Variants in SLC68A1 observed in about 807,000 individuals in gnomAD.
SLC68A1 encodes the protein solute carrier family 68 member 1, also known as major facilitator superfamily domain containing 13A.
At chr10:102,476,692 C>G in the SLC68A1 span, 2 of 986,274 alleles carry the variant, frequency 2.0e-6, no homozygotes, top group Non-Finnish European at 2.4e-6. Context: ...TCTTGTAAGG[C>G]AGGAGGACAG....
At chr10:102,470,743 G>T in the SLC68A1 span, 6 of 1,613,770 alleles carry the variant, frequency 3.7e-6, no homozygotes, top group African/African-American at 6.7e-5. Context: ...CGCTGCTGGC[G>T]CTGTCGTTCC....
the SLC68A1 span, among the ~76,000 whole-genome samples, chr10:102,464,433 A>C: frequency 1.3e-5 from 2 of 151,920 alleles, no homozygotes; most frequent in Non-Finnish European, 2.9e-5. Flanking sequence ...CCTGGGCGAC[A>C]GAGTGAGACT....
the SLC68A1 span, among the ~76,000 whole-genome samples, chr10:102,462,553 G>A: frequency 6.6e-6 from 1 of 152,090 alleles, no homozygotes; most frequent in Admixed American, 6.5e-5. Flanking sequence ...CCATAGGTTG[G>A]TTCAGAAATC....
the SLC68A1 span, among the ~76,000 whole-genome samples, chr10:102,466,441 C>A: frequency 1.8e-4 from 26 of 147,742 alleles, no homozygotes; most frequent in Non-Finnish European, 3.3e-4. Flanking sequence ...CAAGATTGCA[C>A]CATTACACTC....
At chr10:102,472,603 G>A in the SLC68A1 span, among the ~76,000 whole-genome samples, 1 of 152,150 alleles carries the variant, frequency 6.6e-6, no homozygotes, top group Non-Finnish European at 1.5e-5. Context: ...AAAAGAAAAA[G>A]CTTTTAATTG....
the SLC68A1 span, chr10:102,473,877 G>A: frequency 2.5e-6 from 4 of 1,614,160 alleles, no homozygotes; most frequent in Non-Finnish European, 3.4e-6. Context: ...CACTGACCTG[G>A]TAGACGAGGA....
the SLC68A1 span, among the ~76,000 whole-genome samples, chr10:102,469,638 C>T: frequency 8.6e-3 from 1,310 of 151,508 alleles, 17 homozygotes; most frequent in African/African-American, 0.03. Flanking sequence ...CCTCCGCCTT[C>T]GTGGTTCAAG....
the SLC68A1 span, chr10:102,472,767 G>T: frequency 6.3e-6 from 6 of 950,816 alleles, no homozygotes; most frequent in East Asian, 4.8e-5. Context: ...TGGGGAGTTG[G>T]GGGGGATGTG....
chr10:102,473,612 T>C, the SLC68A1 span: 1 of 1,613,688 alleles, frequency 6.2e-7, no homozygotes, highest in East Asian at 2.2e-5. Flanking sequence ...CTCTACTTCC[T>C]GTCCCTGTGC....
the SLC68A1 span, among the ~76,000 whole-genome samples, chr10:102,462,612 GC>G: frequency 2.6e-5 from 4 of 152,138 alleles, no homozygotes; most frequent in Non-Finnish European, 5.9e-5. Context: ...CCTACCAGGG[GC>G]CTGGTAGGGT....
the SLC68A1 span, chr10:102,472,762 A>T: frequency 1.1e-6 from 1 of 897,894 alleles, no homozygotes; most frequent in South Asian, 1.3e-5. Context: ...GAGGATGGGG[A>T]GTTGGGGGGG....
the SLC68A1 span, among the ~76,000 whole-genome samples, chr10:102,464,270 G>A: frequency 6.6e-6 from 1 of 152,124 alleles, no homozygotes; most frequent in Non-Finnish European, 1.5e-5. Flanking sequence ...GGCCAACGTG[G>A]CGAAACCCCG....
chr10:102,474,846 C>A, the SLC68A1 span, among the ~76,000 whole-genome samples: 1 of 151,874 alleles, frequency 6.6e-6, no homozygotes, highest in Admixed American at 6.6e-5. Flanking sequence ...TGGGGTTTTG[C>A]CAGGTTGCCC....
At chr10:102,472,292 T>C in the SLC68A1 span, 3 of 293,510 alleles carry the variant, frequency 1.0e-5, no homozygotes, top group Non-Finnish European at 2.0e-5. Flanking sequence ...TTTTTTCTTC[T>C]CACTTTGTTG....
At chr10:102,476,748 C>T in the SLC68A1 span, 314 of 986,138 alleles carry the variant, frequency 3.2e-4, 1 homozygote, top group African/African-American at 4.9e-3. Flanking sequence ...GCACACAGGC[C>T]TGCCATGGGG....
chr10:102,474,423 A>G, the SLC68A1 span, among the ~76,000 whole-genome samples: 2 of 152,146 alleles, frequency 1.3e-5, no homozygotes, highest in African/African-American at 4.8e-5. Flanking sequence ...GAAGCTATGT[A>G]GTATTATCAG....
chr10:102,475,749 T>C, the SLC68A1 span: 97 of 1,610,292 alleles, frequency 6.0e-5, no homozygotes, highest in Non-Finnish European at 7.7e-5. Context: ...CAGTCCCTCA[T>C]AACCCCTGTG....
At chr10:102,472,383 T>C in the SLC68A1 span, 1 of 266,004 alleles carries the variant, frequency 3.8e-6, no homozygotes, top group Non-Finnish European at 7.3e-6. Context: ...CCACCTCAGC[T>C]TCCTGGGTAG....
the SLC68A1 span, among the ~76,000 whole-genome samples, chr10:102,464,585 T>G: frequency 1.4e-5 from 2 of 141,354 alleles, no homozygotes; most frequent in Non-Finnish European, 3.0e-5. Context: ...AGGTCAGGAG[T>G]TCAAGACTAA....
Sources: gnomAD v4.1 joint callset for allele counts (sites outside exome capture counted in the v4.1 genomes callset) on GRCh38, gnomAD v4.1.1 for gene constraint, MANE v1.5 for transcripts, NCBI Gene and HGNC (gene_info 2026-07-23, HGNC 2026-07-21) for gene names.